Variants in MTSS2 observed in about 807,000 individuals in gnomAD.
MTSS2 encodes protein MTSS 2.
In MTSS2, 27 loss-of-function variants were observed where a neutral mutation model predicts 67.1. That is an observed-to-expected ratio of 0.40 (90% CI 0.30 to 0.55). MTSS2 has a LOEUF of 0.55. Ranked by LOEUF, MTSS2 falls within the 20% of genes least tolerant of loss-of-function variation. The pLI is 0.43. For missense variants in MTSS2, 1,171 were observed against 1,067.8 expected (o/e 1.10, Z -1.35); for synonymous variants, 624 against 468.6 (o/e 1.33, Z -4.28).
At chr16:70,665,359 C>A (rs530967086) in intron 12 of MTSS2, 107 bp downstream of exon 12, 9 of 1,229,846 alleles carry the variant, frequency 7.3e-6, no homozygotes, top group South Asian at 5.8e-5. Context: ...TGTGCACGCA[C>A]CCCTGGCTGA....
intron 11 of MTSS2, among the ~76,000 whole-genome samples, chr16:70,668,498 G>C (rs568486029): frequency 6.6e-6 from 1 of 152,242 alleles, no homozygotes; most frequent in South Asian, 2.1e-4. Context: ...CAACAAGTAG[G>C]ACAGAGTGCC....
intron 1 of MTSS2, among the ~76,000 whole-genome samples, chr16:70,681,680 C>T (rs2053309243): frequency 6.6e-6 from 1 of 152,260 alleles, no homozygotes; most frequent in Non-Finnish European, 1.5e-5. Context: ...ACAGAGCCAC[C>T]TTTCTCCACC....
chr16:70,664,991 C>G lies in MTSS2; in HGVS notation c.1234G>C (p.Gly412Arg). The part of the protein sequence containing the change: ...LRDTEPGPAS[G>R]GTLGPSGEEA... The stretch of plus-strand genomic sequence containing the variant: ...TCCCCGCTGGGGCCCAGGGTGCCCC[C>G]ACTGGCAGGGCCTGGCTCTGTGTCT... The change falls in exon 13 of 15, where the codon GGG becomes CGG. Residue 412 changes from glycine to arginine, a missense_variant. Gly to Arg is a moderately radical substitution (Grantham distance 125). Coordinates refer to ENST00000338779, the MANE Select transcript of MTSS2 (RefSeq NM_138383.3). 6.3e-7 allele frequency: 1 copy of G among 1,590,260 alleles called. No individual in the cohort carries two copies. The highest frequency in any genetic ancestry group is 8.5e-7 in the Non-Finnish European group (1 of 1,176,578).
At chr16:70,672,812 T>A (rs764832281) in intron 11 of MTSS2, among the ~76,000 whole-genome samples, 9 of 151,872 alleles carry the variant, frequency 5.9e-5, no homozygotes, top group Non-Finnish European at 1.3e-4. Flanking sequence ...GGGCTGGACA[T>A]GCATCCAACT....
intron 11 of MTSS2, 26 bp downstream of exon 11, chr16:70,674,280 G>T: frequency 4.4e-6 from 7 of 1,604,270 alleles, no homozygotes; most frequent in Non-Finnish European, 6.0e-6. Flanking sequence ...ACCCCACCCT[G>T]ACTGATCCTC....
intron 1 of MTSS2, among the ~76,000 whole-genome samples, chr16:70,684,025 T>C (rs2053381910): frequency 1.3e-5 from 2 of 152,252 alleles, no homozygotes; most frequent in African/African-American, 2.4e-5. Flanking sequence ...CCTCTTGCTA[T>C]GATCTGGGCC....
rs759975511 is a variant in MTSS2 at position 70,674,527 on chromosome 16, C to T, written c.832G>A (p.Ala278Thr). 4 of 1,612,132 alleles carry T rather than the reference C, an allele frequency of 2.5e-6. No individual in the cohort carries two copies. The highest frequency in any genetic ancestry group is 2.2e-5 in the South Asian group (2 of 90,946). The change falls in exon 11 of 15, where the codon GCC (alanine) becomes ACC (threonine). Residue 278 changes from alanine to threonine, a missense_variant and splice_region_variant. Physicochemically the swap from Ala to Thr is moderately conservative, Grantham distance 58. Around this residue, in one of 2 missense-constraint regions of MTSS2, gnomAD observed 924 missense variants for 756.0 expected, o/e 1.22. Coordinates refer to ENST00000338779, the MANE Select transcript of MTSS2 (RefSeq NM_138383.3). ...TTGGCACTGCTACTGCTGCTGGGGG[C>T]ACTAGGGGAGTGAAGGAAGAGGGCA... is the stretch of plus-strand genomic sequence containing the variant. ...SSSRKSSMCS[A>T]PSSSSSAKGG...
chr16:70,670,234 G>A (rs1050659438), intron 11 of MTSS2, among the ~76,000 whole-genome samples: 12 of 152,298 alleles, frequency 7.9e-5, no homozygotes, highest in African/African-American at 2.6e-4. Context: ...TTGCACCACT[G>A]CACTCCAGCC....
intron 10 of MTSS2, among the ~76,000 whole-genome samples, 191 bp from the exon 11 acceptor site, chr16:70,674,719 G>A (rs1263782157): frequency 1.3e-5 from 2 of 152,206 alleles, no homozygotes; most frequent in Non-Finnish European, 2.9e-5. Context: ...TGGAAGGGGA[G>A]GGCCAGAGCA....
chr16:70,664,049 T>C lies in MTSS2; in HGVS notation c.1872A>G (p.Ser624=). The change falls in exon 15 of 15, where the codon TCA becomes TCG. Residue 624 remains serine (S), a synonymous_variant. Transcript: ENST00000338779. Reference sequence around the variant, plus strand: ...CCTTGGCGAGGTCCGGTGCCAGGGGTGAGGCGGTCTCGTCGGTATAGAAGA... The same window carrying C: ...CCTTGGCGAGGTCCGGTGCCAGGGGCGAGGCGGTCTCGTCGGTATAGAAGA... ...ECVFYTDETA[S]PLAPDLAKAS... is the part of the protein sequence containing the mutation. 6.2e-7 allele frequency: 1 copy of C among 1,610,042 alleles called. No homozygotes were observed. The highest frequency in any genetic ancestry group is 8.5e-7 in the Non-Finnish European group (1 of 1,178,870).
intron 11 of MTSS2, among the ~76,000 whole-genome samples, chr16:70,669,568 C>CT: frequency 6.6e-6 from 1 of 151,894 alleles, no homozygotes; most frequent in Admixed American, 6.6e-5. Context: ...GTAATCCCAG[C>CT]ACTTTGGGAG....
chr16:70,668,287 T>G (rs28805320), intron 11 of MTSS2, among the ~76,000 whole-genome samples: 9,561 of 151,872 alleles, frequency 0.063, 977 homozygotes, highest in African/African-American at 0.21. Flanking sequence ...GGTGCACATG[T>G]AATCCCAGCT....
chr16:70,681,029 C>T lies in MTSS2; in HGVS notation c.70-4G>A. Reference sequence around the variant, plus strand: ...CCTCCCAGATAGGGTAGGAGCTCTGCCGGGCAAATGGGAGAGAAAGTGAGC... The same window carrying T: ...CCTCCCAGATAGGGTAGGAGCTCTGTCGGGCAAATGGGAGAGAAAGTGAGC... On this transcript the variant is annotated splice_region_variant and splice_polypyrimidine_tract_variant and intron_variant, in intron 1 of 14. Transcript: ENST00000338779. The T allele has an allele frequency of 1.2e-6, 2 of 1,608,044 alleles. No homozygotes were observed. Among genetic ancestry groups the T allele is most frequent in the Non-Finnish European group, 1.7e-6 (2 of 1,177,886 alleles).
rs746549561 is a variant in MTSS2 at position 70,680,106 on chromosome 16, C to T, written c.206-51G>A. 113 of 1,301,392 alleles carry T rather than the reference C, an allele frequency of 8.7e-5. 1 individual carries two copies. The East Asian group carries it at 3.7e-3, about 43-fold the overall frequency. 80.6% of individuals were successfully genotyped at this position (1,301,392 alleles called of 1,614,324 possible). On this transcript the variant is annotated intron_variant, in intron 3 of 14. Coordinates refer to ENST00000338779, the MANE Select transcript of MTSS2 (RefSeq NM_138383.3). ...AGGGGCCCGCTGGGGCCTGCGCAGT[C>T]CCGGCCTCGGGCCAGGAGGGGGCGC...
At chr16:70,672,607 G>A (rs1021900928) in intron 11 of MTSS2, among the ~76,000 whole-genome samples, 3 of 143,780 alleles carry the variant, frequency 2.1e-5, no homozygotes, top group Non-Finnish European at 4.5e-5. Context: ...TTTTCTACAA[G>A]TCTAAAATTA....
chr16:70,679,882 G>C lies in MTSS2; in HGVS notation c.291-5C>G, dbSNP rs1227770570. On this transcript the variant is annotated splice_polypyrimidine_tract_variant and splice_region_variant and intron_variant, in intron 4 of 14. Transcript: ENST00000338779. ...ATGAGGCTCTCCAGCAGTGCGCTGC[G>C]GAGGGCGGGCGGGAGCGCAGGTCAG... The C allele has an allele frequency of 2.5e-6, 4 of 1,595,854 alleles. No homozygotes were observed. Among genetic ancestry groups the C allele is most frequent in the Non-Finnish European group, 3.4e-6 (4 of 1,177,532 alleles).
chr16:70,677,382 G>A (rs1025978908), intron 9 of MTSS2, among the ~76,000 whole-genome samples: 4 of 152,282 alleles, frequency 2.6e-5, no homozygotes, highest in South Asian at 2.1e-4. Context: ...CTGTGGGACA[G>A]GACTGGTCTG....
chr16:70,664,384 T>A lies in MTSS2; in HGVS notation c.1537A>T (p.Lys513Ter). The A allele has an allele frequency of 6.3e-7, 1 of 1,575,188 alleles. No individual in the cohort carries two copies. The highest frequency in any genetic ancestry group is 8.6e-7 in the Non-Finnish European group (1 of 1,164,852). Reference sequence around the variant, plus strand: ...CTGTTGCGCGGGATGGTGGATGACTTGTCAAACTCGGGCGGGCCCTCGCTG... The same window carrying A: ...CTGTTGCGCGGGATGGTGGATGACTAGTCAAACTCGGGCGGGCCCTCGCTG... Reference protein sequence around the residue: ...ADSEGPPEFDKSSTIPRNSNI... With the variant: ...ADSEGPPEFD Residue 513 changes from lysine to a stop codon, truncating the protein, a stop_gained, in exon 15 of 15, where the codon AAG becomes TAG. Transcript: ENST00000338779. LOFTEE classifies it low-confidence loss of function (END_TRUNC).
intron 9 of MTSS2, 67 bp downstream of exon 9, chr16:70,677,725 C>G (rs1224778151): frequency 7.7e-7 from 1 of 1,293,348 alleles, no homozygotes; most frequent in African/African-American, 1.5e-5. Flanking sequence ...CTTTACTGTT[C>G]CCAACCTAGG....
Sources: allele counts gnomAD v4.1 joint callset (sites outside exome capture counted in the v4.1 genomes callset), GRCh38; gene constraint gnomAD v4.1.1; regional missense constraint gnomAD v4.1.1; transcripts MANE v1.5; gene names NCBI Gene and HGNC (gene_info 2026-07-23, HGNC 2026-07-21).